DIS3L2: variants seen among roughly 807,000 people sequenced by gnomAD.
DIS3L2 encodes the protein DIS3 like 3'-5' exoribonuclease 2.
In DIS3L2, 34 loss-of-function variants were observed where a neutral mutation model predicts 97.5. The observed-to-expected ratio is 0.35, with a 90% CI of 0.27 to 0.46. The LOEUF is 0.46. Among genes scored for constraint, DIS3L2 ranks in the 20% least tolerant of loss-of-function variants. DIS3L2 has a pLI of 1.00. For synonymous variants in DIS3L2, 435 were observed against 445.2 expected (o/e 0.98, Z 0.29); for missense variants, 1,038 against 1,146.0 (o/e 0.91, Z 1.36).
intron 8 of DIS3L2, among the ~76,000 whole-genome samples, chr2:232,159,392 TC>T (rs1411234029): frequency 6.6e-6 from 1 of 152,232 alleles, no homozygotes; most frequent in Non-Finnish European, 1.5e-5. Flanking sequence ...CAGCCTTTTG[TC>T]TTTGTGTTTC....
chr2:232,204,120 G>C (rs757359248), intron 9 of DIS3L2, among the ~76,000 whole-genome samples: 20 of 152,160 alleles, frequency 1.3e-4, no homozygotes, highest in African/African-American at 2.2e-4. Context: ...CGACCTTGGG[G>C]AGAACAGTTT....
chr2:232,342,371 T>C (rs190326650), intron 13 of DIS3L2, among the ~76,000 whole-genome samples: 5 of 152,140 alleles, frequency 3.3e-5, no homozygotes, highest in Admixed American at 3.3e-4. Context: ...CAGTGGTAAA[T>C]AGTAAAACAC....
At chr2:232,331,780 C>T (rs1695744690) in intron 16 of DIS3L2, 1 of 152,172 alleles carries the variant, frequency 6.6e-6, no homozygotes, top group Non-Finnish European at 1.5e-5. Context: ...CCATCACCTC[C>T]AAGGAGGTAC....
chr2:231,971,996 C>T (rs1413083788), intron 1 of DIS3L2, among the ~76,000 whole-genome samples: 1 of 151,362 alleles, frequency 6.6e-6, no homozygotes, highest in Non-Finnish European at 1.5e-5. Context: ...ACCATCCTGG[C>T]CAACATGGTG....
chr2:232,267,608 G>T (rs900834295), intron 13 of DIS3L2, among the ~76,000 whole-genome samples: 1 of 152,162 alleles, frequency 6.6e-6, no homozygotes, highest in Non-Finnish European at 1.5e-5. Flanking sequence ...TTTTATGTTT[G>T]TAGTAAAAGG....
chr2:232,049,445 C>CCTA (rs1332337137), intron 5 of DIS3L2, among the ~76,000 whole-genome samples: 1 of 151,976 alleles, frequency 6.6e-6, no homozygotes, highest in African/African-American at 2.4e-5. Flanking sequence ...AGGGTAGAGC[C>CCTA]CTACTGAATG....
chr2:232,015,520 C>G lies in DIS3L2; in HGVS notation c.59C>G (p.Ser20Cys), dbSNP rs1694327799. ...LRPLGTPRGV[S>C]AVAGPHDIGA... The stretch of plus-strand genomic sequence containing the variant: ...TGCTGCCTCCTGTTTCTAGGTGTGT[C>G]TGCTGTGGCTGGTCCACATGACATT... Residue 20 changes from serine to cysteine, a missense_variant, in exon 3 of 21, where the codon TCT (serine) becomes TGT (cysteine). Physicochemically the swap from Ser to Cys is moderately radical, Grantham distance 112 (BLOSUM62 -1). Coordinates refer to ENST00000325385, the MANE Select transcript of DIS3L2 (RefSeq NM_152383.5). 1.2e-6 allele frequency: 2 copies of G among 1,613,662 alleles called. No individual in the cohort carries two copies. Among genetic ancestry groups the G allele is most frequent in the Non-Finnish European group, 1.7e-6 (2 of 1,179,750 alleles).
chr2:232,111,282 T>C (rs1188760330), intron 6 of DIS3L2: 1 of 471,330 alleles, frequency 2.1e-6, no homozygotes, highest in African/African-American at 2.0e-5. Flanking sequence ...AAAATACTTG[T>C]ACCTCTATTA....
chr2:232,334,521 C>G, intron 18 of DIS3L2, 22 bp downstream of exon 18: 1 of 1,612,698 alleles, frequency 6.2e-7, no homozygotes, highest in Non-Finnish European at 8.5e-7. Flanking sequence ...AGCCTGGTGC[C>G]CCTCACCTCC....
chr2:232,273,803 G>C (rs1694068297), intron 13 of DIS3L2, among the ~76,000 whole-genome samples: 1 of 143,264 alleles, frequency 7.0e-6, no homozygotes, highest in African/African-American at 2.9e-5. Flanking sequence ...TGGCCTGCTG[G>C]CATGGAAAGG....
intron 6 of DIS3L2, among the ~76,000 whole-genome samples, chr2:232,124,460 A>T (rs887619044): frequency 6.6e-6 from 1 of 152,204 alleles, no homozygotes; most frequent in Non-Finnish European, 1.5e-5. Flanking sequence ...AAGTCAGTGG[A>T]TAGATTTAAC....
intron 13 of DIS3L2, among the ~76,000 whole-genome samples, chr2:232,271,569 A>G (rs1390420828): frequency 6.6e-6 from 1 of 152,238 alleles, no homozygotes; most frequent in African/African-American, 2.4e-5. Context: ...AGGCTTGAAG[A>G]ATATTAGCCT....
At chr2:232,100,327 A>G (rs893041200) in intron 6 of DIS3L2, among the ~76,000 whole-genome samples, 9 of 151,300 alleles carry the variant, frequency 5.9e-5, no homozygotes, top group Admixed American at 4.0e-4. Flanking sequence ...GTGAGCCACC[A>G]CACCTGGCCT....
At chr2:232,011,332 G>C (rs1366735016) in intron 1 of DIS3L2, among the ~76,000 whole-genome samples, 1 of 151,874 alleles carries the variant, frequency 6.6e-6, no homozygotes, top group Non-Finnish European at 1.5e-5. Flanking sequence ...GGGAATAGAA[G>C]ATTTCTTGTT....
At chr2:232,084,238 G>C (rs1014682995) in intron 5 of DIS3L2, among the ~76,000 whole-genome samples, 3 of 152,024 alleles carry the variant, frequency 2.0e-5, no homozygotes, top group African/African-American at 7.2e-5. Context: ...TGGGGGAGCT[G>C]GTTTTTTAAT....
chr2:232,322,938 G>A (rs967833167), intron 14 of DIS3L2, among the ~76,000 whole-genome samples: 3 of 152,184 alleles, frequency 2.0e-5, no homozygotes, highest in Non-Finnish European at 2.9e-5. Context: ...CCAAGTCTAC[G>A]AAGCCAGCTT....
intron 1 of DIS3L2, among the ~76,000 whole-genome samples, chr2:231,999,636 C>T (rs1428288511): frequency 6.6e-6 from 1 of 152,070 alleles, no homozygotes; most frequent in African/African-American, 2.4e-5. Context: ...TGGAATTGCT[C>T]ACTCATACTT....
In DIS3L2 at chr2:232,030,124, T is replaced by C. The variant is rs548257002; in HGVS notation, c.366+44T>C. 1.8e-4 allele frequency: 279 copies of C among 1,547,310 alleles called. 5 individuals are homozygous for C. In the South Asian group the frequency reaches 2.5e-3, roughly 14 times the overall value. Reference sequence around the variant, plus strand: ...TTCTAATTACAGATTTCTTAGGGTCTTTCACATTCCATGGTGCACCAACAA... The same window carrying C: ...TTCTAATTACAGATTTCTTAGGGTCCTTCACATTCCATGGTGCACCAACAA... On this transcript the variant is annotated intron_variant, in intron 5 of 20. Transcript: ENST00000325385.
chr2:232,206,394 T>G (rs1290475898), intron 9 of DIS3L2, among the ~76,000 whole-genome samples: 1 of 152,204 alleles, frequency 6.6e-6, no homozygotes, highest in African/African-American at 2.4e-5. Flanking sequence ...CAGGCACAAT[T>G]AAAACAGCTG....
Sources: gnomAD v4.1 joint callset for allele counts (sites outside exome capture counted in the v4.1 genomes callset) on GRCh38, gnomAD v4.1.1 for gene constraint, MANE v1.5 for transcripts, NCBI Gene and HGNC (gene_info 2026-07-23, HGNC 2026-07-21) for gene names.